Variants in KLF12 observed in about 807,000 individuals in gnomAD.
KLF12 encodes the protein KLF transcription factor 12.
KLF12 carries 9 observed loss-of-function variants against 37.8 expected under a neutral mutation model. That is an observed-to-expected ratio of 0.24 (90% CI 0.14 to 0.42). The LOEUF is 0.42. KLF12 is among the 10% of genes least tolerant of loss of function. The pLI, the probability that KLF12 is intolerant of heterozygous loss-of-function variation, is 1.00. For missense variants in KLF12, 411 were observed against 516.0 expected (o/e 0.80, Z 1.97); for synonymous variants, 208 against 202.1 (o/e 1.03, Z -0.25).
chr13:73,811,908 T>A (rs184338126), intron 5 of KLF12, among the ~76,000 whole-genome samples: 78 of 152,300 alleles, frequency 5.1e-4, no homozygotes, highest in African/African-American at 1.7e-3. Context: ...AATTCTGAAA[T>A]GCAATACCAA....
intron 3 of KLF12, among the ~76,000 whole-genome samples, chr13:73,940,793 G>C (rs997735395): frequency 5.3e-5 from 8 of 152,168 alleles, no homozygotes; most frequent in African/African-American, 1.9e-4. Flanking sequence ...ATCTCATTAA[G>C]AGAATGAGGC....
chr13:74,195,572 A>C, the KLF12 span, among the ~76,000 whole-genome samples: 3 of 152,110 alleles, frequency 2.0e-5, no homozygotes, highest in Non-Finnish European at 4.4e-5. Context: ...CAAACAGGGA[A>C]ATTCCATACA....
intron 4 of KLF12, among the ~76,000 whole-genome samples, chr13:73,836,719 G>A (rs900995365): frequency 1.3e-5 from 2 of 151,820 alleles, no homozygotes; most frequent in African/African-American, 2.4e-5. Flanking sequence ...ATTCACAAGG[G>A]AAATAAAAGA....
chr13:73,686,365 A>T lies in KLF12; in HGVS notation c.*9125T>A, dbSNP rs1185114465. 1 of 152,636 alleles carries T rather than the reference A, an allele frequency of 6.6e-6. No homozygotes were observed. Among genetic ancestry groups the T allele is most frequent in the Non-Finnish European group, 1.5e-5 (1 of 68,038 alleles). The allele number at this position is 152,636 out of a possible 1,614,324, so 9.5% of individuals were successfully genotyped here. A position where few individuals can be genotyped will look rare whatever the true frequency, so the allele number is the denominator to read the frequency against. ...CCTTTACATTATCATAGGGCAAAAA[A>T]ATCACCATTTTACAGTAAAAGGAAA... is the stretch of plus-strand genomic sequence containing the variant. On this transcript the variant is annotated 3_prime_UTR_variant, in exon 8 of 8. Coordinates refer to ENST00000377669, the MANE Select transcript of KLF12 (RefSeq NM_007249.5).
At chr13:74,001,380 T>G (rs2138310497) in intron 1 of KLF12, among the ~76,000 whole-genome samples, 1 of 152,294 alleles carries the variant, frequency 6.6e-6, no homozygotes, top group African/African-American at 2.4e-5. Flanking sequence ...CAAACACATA[T>G]TTGGTACCAA....
At chr13:73,756,126 C>T (rs4451841) in intron 6 of KLF12, among the ~76,000 whole-genome samples, 148,301 of 152,206 alleles carry the variant, frequency 0.97, 72,356 homozygotes, top group East Asian at 1. Context: ...TTTGAATAGT[C>T]TGGGTCAGAT....
chr13:74,068,974 A>G (rs1381786550), intron 1 of KLF12, among the ~76,000 whole-genome samples: 1 of 152,144 alleles, frequency 6.6e-6, no homozygotes, highest in Non-Finnish European at 1.5e-5. Context: ...GCTCCTGTGT[A>G]TTTATTGTCA....
At chr13:73,841,464 T>G (rs1226604529) in intron 4 of KLF12, among the ~76,000 whole-genome samples, 2 of 152,194 alleles carry the variant, frequency 1.3e-5, no homozygotes, top group Non-Finnish European at 2.9e-5. Context: ...GTGTTGGGCC[T>G]TATTCAAAGC....
chr13:73,875,838 A>G (rs879084629), intron 3 of KLF12, among the ~76,000 whole-genome samples: 11 of 152,142 alleles, frequency 7.2e-5, no homozygotes, highest in South Asian at 2.1e-4. Flanking sequence ...TCTTCACCCA[A>G]TTGTTTTCTG....
the KLF12 span, among the ~76,000 whole-genome samples, chr13:74,228,460 A>G: frequency 4.6e-5 from 7 of 152,184 alleles, no homozygotes; most frequent in African/African-American, 1.7e-4. Context: ...AAGATTTTAG[A>G]ATAGAATGGA....
intron 1 of KLF12, among the ~76,000 whole-genome samples, chr13:74,118,034 C>T (rs556972575): frequency 6.6e-5 from 10 of 151,774 alleles, no homozygotes; most frequent in South Asian, 6.2e-4. Flanking sequence ...TGATAAACAA[C>T]GCCATGGTAA....
At chr13:73,717,509 C>T (rs150396124) in intron 6 of KLF12, among the ~76,000 whole-genome samples, 1 of 152,310 alleles carries the variant, frequency 6.6e-6, no homozygotes, top group East Asian at 1.9e-4. Flanking sequence ...TTTCTGCACA[C>T]GTGTCTTCAG....
At chr13:73,860,963 AG>A (rs1002374688) in intron 3 of KLF12, among the ~76,000 whole-genome samples, 2 of 152,188 alleles carry the variant, frequency 1.3e-5, no homozygotes, top group African/African-American at 4.8e-5. Flanking sequence ...CACACTTCCA[AG>A]GGGCTAAAAA....
chr13:73,975,062 T>C (rs767783399), intron 2 of KLF12, among the ~76,000 whole-genome samples: 1 of 152,194 alleles, frequency 6.6e-6, no homozygotes. Flanking sequence ...ACGTTCCTAT[T>C]TTTAAAAACT....
chr13:74,006,809 A>G (rs1308973559), intron 1 of KLF12, among the ~76,000 whole-genome samples: 2 of 152,112 alleles, frequency 1.3e-5, no homozygotes, highest in Non-Finnish European at 2.9e-5. Flanking sequence ...GACTTTTGCA[A>G]TTTTCCTTTG....
intron 3 of KLF12, among the ~76,000 whole-genome samples, chr13:73,922,360 G>A (rs573153879): frequency 1.3e-5 from 2 of 152,232 alleles, no homozygotes; most frequent in African/African-American, 4.8e-5. Context: ...GCACAGGACT[G>A]AAGATGAGCT....
chr13:74,141,249 T>C, the KLF12 span, among the ~76,000 whole-genome samples: 181 of 152,332 alleles, frequency 1.2e-3, no homozygotes, highest in African/African-American at 4.1e-3. Context: ...AACGATCTTA[T>C]ATTTCATTCC....
intron 5 of KLF12, among the ~76,000 whole-genome samples, chr13:73,774,916 CTTTT>C (rs59877053): frequency 3.1e-5 from 4 of 130,384 alleles, no homozygotes; most frequent in South Asian, 4.9e-4. Flanking sequence ...CTCTCGCATT[CTTTT>C]TTTTTTTTTT....
intron 1 of KLF12, among the ~76,000 whole-genome samples, chr13:74,104,080 C>T (rs1876515025): frequency 6.6e-6 from 1 of 152,190 alleles, no homozygotes; most frequent in African/African-American, 2.4e-5. Context: ...CACACACAAA[C>T]ACACATCCCA....
Sources: allele counts gnomAD v4.1 joint callset (sites outside exome capture counted in the v4.1 genomes callset), GRCh38; gene constraint gnomAD v4.1.1; transcripts MANE v1.5; gene names NCBI Gene and HGNC (gene_info 2026-07-23, HGNC 2026-07-21).